CADPS: variants seen among roughly 807,000 people sequenced by gnomAD.
The protein encoded by CADPS is calcium dependent secretion activator.
CADPS carries 57 observed loss-of-function variants against 167.3 expected under a neutral mutation model. The observed-to-expected ratio is 0.34, with a 90% CI of 0.28 to 0.42. The LOEUF (loss-of-function observed/expected upper bound fraction) is 0.42. Ranked by LOEUF, CADPS falls within the 20% of genes least tolerant of loss-of-function variation. CADPS has a pLI of 1.00. For missense variants in CADPS, 1,414 were observed against 1,738.1 expected (o/e 0.81, Z 3.32); for synonymous variants, 676 against 635.3 (o/e 1.06, Z -0.96).
At chr3:62,844,539 A>G (rs1446576523) in intron 1 of CADPS, among the ~76,000 whole-genome samples, 1 of 152,206 alleles carries the variant, frequency 6.6e-6, no homozygotes, top group Non-Finnish European at 1.5e-5. Flanking sequence ...AATGCCTGTG[A>G]AAGCCAAGGA....
intron 9 of CADPS, among the ~76,000 whole-genome samples, chr3:62,565,589 A>G (rs1471229500): frequency 6.6e-6 from 1 of 152,214 alleles, no homozygotes; most frequent in Non-Finnish European, 1.5e-5. Context: ...CACCTAATGC[A>G]GATGGTCCAG....
At chr3:62,782,568 G>T (rs79030159) in intron 1 of CADPS, among the ~76,000 whole-genome samples, 4,139 of 152,142 alleles carry the variant, frequency 0.027, 78 homozygotes, top group African/African-American at 0.053. Flanking sequence ...GGGCAAAATG[G>T]CTTCATGAGT....
At position 62,602,662 on chromosome 3, in the gene CADPS, C is replaced by T. The variant is rs967245574; in HGVS notation, c.1326-9914G>A. ...CTAGAAAAGCTAAGCTACCTCTCAT[C>T]TACATAAGTGAGGCGTTTGCTTTGT... On this transcript the variant is annotated intron_variant, in intron 6 of 29. Transcript: ENST00000383710. This position sits in a 1 kb window ranked among gnomAD's most constrained non-coding sequence, Gnocchi z 4.4. Among the ~76,000 whole-genome samples the T allele has an allele frequency of 1.3e-5, 2 of 152,136 alleles. No individual in the cohort carries two copies. Among genetic ancestry groups the T allele is most frequent in the Non-Finnish European group, 2.9e-5 (2 of 68,046 alleles).
At chr3:62,563,410 T>C (rs1467156154) in intron 9 of CADPS, among the ~76,000 whole-genome samples, 1 of 152,216 alleles carries the variant, frequency 6.6e-6, no homozygotes, top group Non-Finnish European at 1.5e-5. Flanking sequence ...TCTGATTTAG[T>C]GATTTTTCTG....
At chr3:62,611,694 T>C (rs1445565413) in intron 6 of CADPS, among the ~76,000 whole-genome samples, 1 of 152,210 alleles carries the variant, frequency 6.6e-6, no homozygotes, top group Non-Finnish European at 1.5e-5. Flanking sequence ...TCTTCAAAAA[T>C]GCCAAGCATG....
At chr3:62,578,755 T>C (rs1440566187) in intron 8 of CADPS, among the ~76,000 whole-genome samples, 2 of 152,162 alleles carry the variant, frequency 1.3e-5, no homozygotes, top group Admixed American at 6.5e-5. Context: ...GAGCTTCCTC[T>C]AAATAAATGA....
rs189753279 is a variant in CADPS, at chr3:62,772,280, C to T, written c.442-6296G>A. ...TTCCTTACCTCATTCTTTCTTGGCC[C>T]TTCTAGTTTAGAGGCTGGAAAGCCA... On this transcript the variant is annotated intron_variant, in intron 1 of 29. Coordinates refer to ENST00000383710, the MANE Select transcript of CADPS (RefSeq NM_003716.4). 9.9e-5 allele frequency among the ~76,000 whole-genome samples: 15 copies of T among 152,116 alleles called. No individual in the cohort carries two copies. In the East Asian group the frequency reaches 2.9e-3, roughly 29 times the overall value.
chr3:62,707,849 T>C (rs2082609991), intron 3 of CADPS, among the ~76,000 whole-genome samples: 2 of 152,136 alleles, frequency 1.3e-5, no homozygotes, highest in Non-Finnish European at 2.9e-5. Context: ...TAAAATGACA[T>C]GTATGGCTTG....
intron 22 of CADPS, among the ~76,000 whole-genome samples, chr3:62,479,708 G>A (rs1249908694): frequency 1.3e-5 from 2 of 152,208 alleles, no homozygotes; most frequent in South Asian, 2.1e-4. Context: ...ATATAAACAC[G>A]CCCTTAAAAT....
intron 1 of CADPS, among the ~76,000 whole-genome samples, chr3:62,859,936 C>T (rs17067273): frequency 1.3e-5 from 2 of 152,054 alleles, no homozygotes; most frequent in Non-Finnish European, 2.9e-5. Context: ...TTGATGGGCC[C>T]TCTGCCTTGG....
chr3:62,450,616 C>A (rs890128045), intron 26 of CADPS, among the ~76,000 whole-genome samples: 5 of 152,200 alleles, frequency 3.3e-5, no homozygotes, highest in Non-Finnish European at 7.3e-5. Context: ...GTCCCCGACT[C>A]TCCAGATAGA....
intron 6 of CADPS, among the ~76,000 whole-genome samples, chr3:62,629,909 A>G (rs1454878614): frequency 1.3e-5 from 2 of 151,894 alleles, no homozygotes; most frequent in Non-Finnish European, 2.9e-5. Flanking sequence ...TGAAGTGTCA[A>G]CTCAAATAGC....
intron 1 of CADPS, among the ~76,000 whole-genome samples, chr3:62,825,381 C>T (rs979890647): frequency 6.6e-5 from 10 of 152,236 alleles, no homozygotes; most frequent in South Asian, 2.1e-4. Context: ...AGCTACAATG[C>T]AGCACCTGGG....
At position 62,757,749 on chromosome 3, in the gene CADPS, G is replaced by A. The variant is rs116249828; in HGVS notation, c.556-3976C>T. Among the ~76,000 whole-genome samples, 222 of 152,290 alleles carry A rather than the reference G, an allele frequency of 1.5e-3. 3 individuals carry two copies. The highest frequency in any genetic ancestry group is 5.1e-3 in the African/African-American group (214 of 41,576). ...AGACATACCCAAGACTGGGTAATTTGTGAAGGAAAGAGATTTAATGGATTC... is the reference window on the plus strand; with the variant it reads ...AGACATACCCAAGACTGGGTAATTTATGAAGGAAAGAGATTTAATGGATTC... On this transcript the variant is annotated intron_variant, in intron 2 of 29. Transcript: ENST00000383710.
chr3:62,503,127 A>G (rs1362501615), intron 17 of CADPS, among the ~76,000 whole-genome samples: 1 of 151,784 alleles, frequency 6.6e-6, no homozygotes. Flanking sequence ...ATGGATACAC[A>G]TGAATGATGG....
intron 1 of CADPS, among the ~76,000 whole-genome samples, chr3:62,870,999 G>A (rs908210145): frequency 6.6e-6 from 1 of 152,076 alleles, no homozygotes; most frequent in Admixed American, 6.6e-5. Flanking sequence ...GTTACATTCT[G>A]GTGGGGAGAT....
intron 21 of CADPS, among the ~76,000 whole-genome samples, chr3:62,490,526 A>G (rs2063527944): frequency 6.6e-6 from 1 of 152,200 alleles, no homozygotes; most frequent in Admixed American, 6.5e-5. Flanking sequence ...AACATTTTCA[A>G]ATAAGACCTA....
At chr3:62,743,173 G>C (rs536919638) in intron 3 of CADPS, among the ~76,000 whole-genome samples, 1 of 152,092 alleles carries the variant, frequency 6.6e-6, no homozygotes, top group African/African-American at 2.4e-5. Flanking sequence ...GGGTGGAAAA[G>C]GTAACATCTT....
intron 1 of CADPS, 32 bp from the exon 2 acceptor site, chr3:62,766,016 G>C (rs1323448845): frequency 2.0e-6 from 3 of 1,469,608 alleles, no homozygotes; most frequent in Non-Finnish European, 2.9e-6. Context: ...GGAAATGTGA[G>C]AACTTGTCCT....
Sources: allele counts gnomAD v4.1 joint callset (sites outside exome capture counted in the v4.1 genomes callset), GRCh38; gene constraint gnomAD v4.1.1; non-coding constraint Gnocchi (gnomAD v3.1); transcripts MANE v1.5; gene names NCBI Gene and HGNC (gene_info 2026-07-23, HGNC 2026-07-21).